The following CNTNAP4 variants were observed in gnomAD, a reference collection of about 807,000 sequenced individuals.
The protein encoded by CNTNAP4 is contactin-associated protein-like 4.
A neutral mutation model predicts 148.4 loss-of-function variants in CNTNAP4; 98 were observed. The observed-to-expected ratio is 0.66, with a 90% CI of 0.56 to 0.78. The LOEUF is 0.78. Ranked by LOEUF, CNTNAP4 falls within the 30% of genes least tolerant of loss-of-function variation. CNTNAP4 has a pLI of 0.00. For missense variants in CNTNAP4, 1,935 were observed against 1,565.6 expected (o/e 1.24, Z -3.98); for synonymous variants, 730 against 565.1 (o/e 1.29, Z -4.14).
chr16:76,355,259 A>G (rs2144496962), intron 2 of CNTNAP4, 59 bp from the exon 3 acceptor site: 2 of 1,323,896 alleles, frequency 1.5e-6, no homozygotes, highest in East Asian at 2.5e-5. Context: ...CTTTACAAAC[A>G]TAGATTTTTA....
intron 8 of CNTNAP4, 99 bp downstream of exon 8, chr16:76,452,868 TA>T: frequency 9.3e-7 from 1 of 1,080,304 alleles, no homozygotes. Context: ...AATATTTGCT[TA>T]ATAAATGAAT....
rs7184958 is a variant in CNTNAP4, at chr16:76,553,434, T to A, written c.3594T>A (p.Thr1198=). The A allele has an allele frequency of 6.2e-7, 1 of 1,611,734 alleles. No individual in the cohort carries two copies. The highest frequency in any genetic ancestry group is 8.5e-7 in the Non-Finnish European group (1 of 1,178,902). ...PDPVTVTGHV[T]ESSCMAQPGT... is the part of the protein sequence containing the mutation. Reference sequence around the variant, plus strand: ...CTGTCACTGTTACAGGACACGTGACTGAGTCCAGCTGTATGGCCCAGCCTG... The same window carrying A: ...CTGTCACTGTTACAGGACACGTGACAGAGTCCAGCTGTATGGCCCAGCCTG... Residue 1198 remains threonine, a synonymous_variant, in exon 22 of 24, where the codon ACT becomes ACA. Transcript: ENST00000611870.
rs1482161417 is a variant in CNTNAP4, at chr16:76,452,709, G to A, written c.1273G>A (p.Asp425Asn). The A allele has an allele frequency of 1.9e-6, 3 of 1,611,488 alleles. No individual in the cohort carries two copies. The highest frequency in any genetic ancestry group is 1.7e-5 in the Admixed American group (1 of 59,684). The change falls in exon 8 of 24, where the codon GAT (aspartate) becomes AAT (asparagine). Residue 425 changes from aspartate (D) to asparagine (N), a missense_variant. Physicochemically the swap from Asp to Asn is conservative, Grantham distance 23 (BLOSUM62 1). Transcript: ENST00000611870. ...AGGGGGTATCCTCCTCTTTCTGAGTGATGGAAAACTTAAGTCGAATCTCTA... is the reference window on the plus strand; with the variant it reads ...AGGGGGTATCCTCCTCTTTCTGAGTAATGGAAAACTTAAGTCGAATCTCTA... The part of the protein sequence containing the change: ...ISGGILLFLS[D>N]GKLKSNLYQP...
chr16:76,316,700 G>T (rs1012464059), intron 2 of CNTNAP4, among the ~76,000 whole-genome samples, 177 bp downstream of exon 2: 2 of 152,198 alleles, frequency 1.3e-5, no homozygotes, highest in African/African-American at 4.8e-5. Flanking sequence ...AATGTGAAAG[G>T]GATACATCCT....
At chr16:76,498,775 T>C in intron 15 of CNTNAP4, 81 bp downstream of exon 15, 1 of 1,332,106 alleles carries the variant, frequency 7.5e-7, no homozygotes, top group South Asian at 1.7e-5. Context: ...ATCACGTTTC[T>C]ATCATATAAT....
chr16:76,487,494 T>A (rs2082069358), intron 12 of CNTNAP4, among the ~76,000 whole-genome samples: 1 of 152,208 alleles, frequency 6.6e-6, no homozygotes, highest in Non-Finnish European at 1.5e-5. Flanking sequence ...TTGTAGAAAC[T>A]TCGGATCACT....
At chr16:76,331,389 A>G (rs576359225) in intron 2 of CNTNAP4, among the ~76,000 whole-genome samples, 2 of 151,612 alleles carry the variant, frequency 1.3e-5, no homozygotes, top group Admixed American at 6.6e-5. Flanking sequence ...AGGGTTTCAC[A>G]GTGTTAGCCA....
chr16:76,470,786 G>C (rs749364640), intron 10 of CNTNAP4, among the ~76,000 whole-genome samples: 14 of 151,882 alleles, frequency 9.2e-5, no homozygotes, highest in African/African-American at 3.4e-4. Context: ...ACAGATAAAG[G>C]TGTAAATACA....
At chr16:76,327,308 G>A (rs1024385803) in intron 2 of CNTNAP4, among the ~76,000 whole-genome samples, 14 of 152,104 alleles carry the variant, frequency 9.2e-5, no homozygotes. Flanking sequence ...GTGGTATTAG[G>A]TTTTCTATTT....
Position 76,395,747 on chromosome 16 carries a change from T to C in CNTNAP4, c.391-31705T>C, listed in dbSNP as rs562377637. On this transcript the variant is annotated intron_variant, in intron 3 of 23. Coordinates refer to ENST00000611870, the MANE Select transcript of CNTNAP4 (RefSeq NM_033401.5). ...AAGATCTCTGGATGGTTTTTTTTTTTCGACAAGGTCTTGCTCTGTCGCTCA... is the reference window on the plus strand; with the variant it reads ...AAGATCTCTGGATGGTTTTTTTTTTCCGACAAGGTCTTGCTCTGTCGCTCA... Among the ~76,000 whole-genome samples the C allele has an allele frequency of 8.6e-4, 127 of 148,376 alleles. No homozygotes were observed. In the Middle Eastern group the frequency reaches 0.011, roughly 12 times the overall value.
intron 8 of CNTNAP4, among the ~76,000 whole-genome samples, chr16:76,454,604 AC>A (rs1356584671): frequency 1.3e-5 from 2 of 152,016 alleles, no homozygotes; most frequent in African/African-American, 4.8e-5. Flanking sequence ...CGTTTCTTTC[AC>A]AATATTATTT....
At position 76,309,780 on chromosome 16, in the gene CNTNAP4, C is replaced by G. The variant is rs924328054; in HGVS notation, c.86-6633C>G. On this transcript the variant is annotated intron_variant, in intron 1 of 23. Transcript: ENST00000611870. ...AGGGGGTGGTCCGGGCTTTCCCGTGCTATTCTCGTGATAGTGAGTAAGTGT... is the reference window on the plus strand; with the variant it reads ...AGGGGGTGGTCCGGGCTTTCCCGTGGTATTCTCGTGATAGTGAGTAAGTGT... The G allele has an allele frequency of 5.8e-6, 4 of 694,100 alleles. No homozygotes were observed. In the Admixed American group the frequency reaches 6.1e-5, roughly 11 times the overall value. 43.0% of individuals were successfully genotyped at this position (694,100 alleles called of 1,614,324 possible).
intron 1 of CNTNAP4, among the ~76,000 whole-genome samples, chr16:76,279,156 A>G (rs1206947054): frequency 6.6e-6 from 1 of 152,218 alleles, no homozygotes; most frequent in Non-Finnish European, 1.5e-5. Flanking sequence ...TAGAAAAGGC[A>G]TAAGTAATTC....
chr16:76,554,674 T>TA (rs2085115449), intron 23 of CNTNAP4, among the ~76,000 whole-genome samples: 1 of 152,076 alleles, frequency 6.6e-6, no homozygotes, highest in Non-Finnish European at 1.5e-5. Flanking sequence ...CTGAATATGA[T>TA]ACGGATATAG....
At chr16:76,418,028 ATTTTGT>A (rs1364203968) in intron 3 of CNTNAP4, among the ~76,000 whole-genome samples, 1 of 151,560 alleles carries the variant, frequency 6.6e-6, no homozygotes, top group Non-Finnish European at 1.5e-5. Flanking sequence ...TTCTTCCAAA[ATTTTGT>A]TTTTGTCTTT....
chr16:76,404,676 T>C (rs1220752402), intron 3 of CNTNAP4, among the ~76,000 whole-genome samples: 1 of 152,242 alleles, frequency 6.6e-6, no homozygotes, highest in African/African-American at 2.4e-5. Context: ...TTTGTGAGCA[T>C]GCAATGAATA....
chr16:76,333,779 G>GTTTTTTTTTTTTTTTTTTTTTTTT (rs549878036), intron 2 of CNTNAP4, among the ~76,000 whole-genome samples: 1 of 45,606 alleles, frequency 2.2e-5, no homozygotes, highest in African/African-American at 7.3e-5. Flanking sequence ...TGGGTTATAG[G>GTTTTTTTTTTTTTTTTTTTTTTTT]TTTTTTTTTT....
chr16:76,372,275 G>T (rs1420707432), intron 3 of CNTNAP4, among the ~76,000 whole-genome samples: 1 of 150,766 alleles, frequency 6.6e-6, no homozygotes, highest in Non-Finnish European at 1.5e-5. Flanking sequence ...GAGTACCTGG[G>T]ACTACAGGCG....
intron 10 of CNTNAP4, among the ~76,000 whole-genome samples, chr16:76,470,597 C>G (rs929078757): frequency 3.3e-5 from 5 of 150,238 alleles, no homozygotes; most frequent in African/African-American, 7.5e-5. Flanking sequence ...TTGCAGTGAG[C>G]CAAGATTGTG....
Sources: gnomAD v4.1 joint callset for allele counts (sites outside exome capture counted in the v4.1 genomes callset) on GRCh38, gnomAD v4.1.1 for gene constraint, MANE v1.5 for transcripts, NCBI Gene and HGNC (gene_info 2026-07-23, HGNC 2026-07-21) for gene names.